Variants in ELF2 observed in about 807,000 individuals in gnomAD.
ELF2 encodes the protein E74 like ETS transcription factor 2, also known as ETS-related transcription factor Elf-2.
A neutral mutation model predicts 54.8 loss-of-function variants in ELF2; 11 were observed. That is an observed-to-expected ratio of 0.20 (90% CI 0.13 to 0.33). The LOEUF (loss-of-function observed/expected upper bound fraction) is 0.33, where lower values mean the gene tolerates loss of function less well. Ranked by LOEUF, ELF2 falls within the 10% of genes least tolerant of loss-of-function variation. ELF2 has a pLI of 1.00. For synonymous variants in ELF2, 203 were observed against 245.1 expected (o/e 0.83, Z 1.61); for missense variants, 513 against 703.0 (o/e 0.73, Z 3.06).
At position 139,061,243 on chromosome 4, in the gene ELF2, T is replaced by C. The variant is rs1226599193; in HGVS notation, c.807-569A>G. 6.6e-5 allele frequency among the ~76,000 whole-genome samples: 10 copies of C among 151,674 alleles called. No individual in the cohort carries two copies. The South Asian group carries it at 2.1e-3, about 32-fold the overall frequency. ...AGGCTGCAGTGCAATGGCACAATCT[T>C]GGCTCACTGCAACCTCCGCTTCCTG... On this transcript the variant is annotated intron_variant, in intron 8 of 9. Transcript: ENST00000686138.
chr4:139,084,249 C>T, intron 4 of ELF2: 6 of 1,609,026 alleles, frequency 3.7e-6, no homozygotes, highest in Non-Finnish European at 2.5e-6. Flanking sequence ...GCAGCGGCGG[C>T]AGGGGAGGAG....
At chr4:139,084,442 G>GGCGGCAGGGGCAGGGGCA (rs1731712331) in intron 4 of ELF2, 1 of 1,145,856 alleles carries the variant, frequency 8.7e-7, no homozygotes, top group Non-Finnish European at 1.1e-6. Context: ...GGGCAGGGGC[G>GGCGGCAGGGGCAGGGGCA]GCGGCGGCGG....
chr4:139,110,856 T>G (rs919075018), intron 4 of ELF2, among the ~76,000 whole-genome samples: 3 of 152,194 alleles, frequency 2.0e-5, no homozygotes, highest in Non-Finnish European at 4.4e-5. Context: ...TCTTCCATAC[T>G]TCTATTGTAA....
At chr4:139,116,653 A>G in intron 4 of ELF2, 1 of 985,164 alleles carries the variant, frequency 1.0e-6, no homozygotes, top group Non-Finnish European at 1.2e-6. Flanking sequence ...ACCTACCAGC[A>G]TTGTCTTCCT....
At chr4:139,151,041 A>AAAGAAAGAAAGAAAGG in intron 1 of ELF2, among the ~76,000 whole-genome samples, 4 of 66,472 alleles carry the variant, frequency 6.0e-5, no homozygotes, top group African/African-American at 1.6e-4. Context: ...AAAAAGAAAG[A>AAAGAAAGAAAGAAAGG]AAGAAAGAAA....
intron 4 of ELF2, among the ~76,000 whole-genome samples, chr4:139,107,780 C>A (rs1734562853): frequency 6.6e-6 from 1 of 152,052 alleles, no homozygotes; most frequent in Non-Finnish European, 1.5e-5. Context: ...GATACACATA[C>A]CAAATATAAC....
chr4:139,158,598 T>G (rs1326830975), intron 1 of ELF2, among the ~76,000 whole-genome samples: 1 of 152,078 alleles, frequency 6.6e-6, no homozygotes, highest in Non-Finnish European at 1.5e-5. Context: ...AAAGGGAACA[T>G]TTGTCATATA....
In ELF2 at chr4:139,059,238, T is replaced by G. The variant is rs766820149; in HGVS notation, c.1527A>C (p.Arg509Ser). Residue 509 changes from arginine to serine, a missense_variant, in exon 10 of 10, where the codon AGA (arginine) becomes AGC (serine). Physicochemically the swap from Arg to Ser is moderately radical, Grantham distance 110. This residue lies in a region of ELF2 where 291 missense variants were observed against 366.1 expected (regional missense o/e 0.79). Coordinates refer to ENST00000686138, the MANE Select transcript of ELF2 (RefSeq NM_001331036.3). Reference sequence around the variant, plus strand: ...ATGCCTGCTGAGTAGGCATTGATAGTCTCATTACAGGTGTACCATGGGCTA... The same window carrying G: ...ATGCCTGCTGAGTAGGCATTGATAGGCTCATTACAGGTGTACCATGGGCTA... ...VSIAHGTPVM[R>S]LSMPTQQASG... is the part of the protein sequence containing the mutation. 3 of 1,613,920 alleles carry G rather than the reference T, an allele frequency of 1.9e-6. No individual in the cohort carries two copies. Among genetic ancestry groups the G allele is most frequent in the Non-Finnish European group, 2.5e-6 (3 of 1,179,870 alleles).
intron 1 of ELF2, among the ~76,000 whole-genome samples, chr4:139,149,758 T>G (rs1408320597): frequency 1.3e-5 from 2 of 152,212 alleles, no homozygotes; most frequent in Non-Finnish European, 2.9e-5. Context: ...AAATTCTACA[T>G]GGGCAAATAC....
intron 4 of ELF2, among the ~76,000 whole-genome samples, chr4:139,104,973 C>G (rs1734272996): frequency 6.6e-6 from 1 of 152,150 alleles, no homozygotes; most frequent in African/African-American, 2.4e-5. Context: ...ACTTAGTAAG[C>G]TTCTTTGAGG....
At chr4:139,169,235 G>C (rs111286213) in intron 1 of ELF2, among the ~76,000 whole-genome samples, 5,347 of 151,438 alleles carry the variant, frequency 0.035, 216 homozygotes, top group African/African-American at 0.094. Context: ...GTAGTCCCAG[G>C]TACGTGGAAA....
At chr4:139,065,910 T>C (rs1036747317) in intron 7 of ELF2, 13 of 151,812 alleles carry the variant, frequency 8.6e-5, no homozygotes, top group African/African-American at 1.7e-4. Context: ...CCTAAGATGT[T>C]AGAAGTGTAC....
At chr4:139,143,420 C>A (rs1268870130) in intron 1 of ELF2, among the ~76,000 whole-genome samples, 1 of 152,154 alleles carries the variant, frequency 6.6e-6, no homozygotes, top group Non-Finnish European at 1.5e-5. Flanking sequence ...GAAGTCACTT[C>A]TAGGGGACTT....
chr4:139,121,266 G>A (rs796110339), intron 4 of ELF2, among the ~76,000 whole-genome samples: 40 of 150,698 alleles, frequency 2.7e-4, no homozygotes, highest in African/African-American at 9.0e-4. Context: ...CCGCTACCAC[G>A]CCCGGCTAAT....
chr4:139,176,674 C>G (rs959571739), intron 1 of ELF2, among the ~76,000 whole-genome samples: 3 of 152,158 alleles, frequency 2.0e-5, no homozygotes, highest in Admixed American at 6.5e-5. Flanking sequence ...GTAACCTCTT[C>G]CCTCAGCCCT....
chr4:139,123,177 T>G (rs1342304826), intron 4 of ELF2, among the ~76,000 whole-genome samples: 3 of 148,728 alleles, frequency 2.0e-5, no homozygotes, highest in Non-Finnish European at 4.5e-5. Context: ...AGCGAGACTC[T>G]GTCTCAAAAA....
intron 4 of ELF2, among the ~76,000 whole-genome samples, chr4:139,074,816 A>G (rs1457161137): frequency 6.6e-6 from 1 of 152,032 alleles, no homozygotes; most frequent in African/African-American, 2.4e-5. Flanking sequence ...TAAAAAAAAT[A>G]CAACAATTAA....
Position 139,125,353 on chromosome 4 carries a change from A to G in ELF2, c.73-24T>C, listed in dbSNP as rs750672363. ...TCCTATAAGAGCAAATTTAAAGAAC[A>G]ATCAACCTTTGTATTTACAAATTCT... On this transcript the variant is annotated intron_variant, in intron 3 of 9. Coordinates refer to ENST00000686138, the MANE Select transcript of ELF2 (RefSeq NM_001331036.3). 7.5e-6 allele frequency: 12 copies of G among 1,601,122 alleles called. No homozygotes were observed. The Admixed American group carries it at 2.2e-4, about 29-fold the overall frequency.
chr4:139,132,433 CCCA>C (rs1181579622), intron 3 of ELF2, among the ~76,000 whole-genome samples: 11 of 152,192 alleles, frequency 7.2e-5, no homozygotes, highest in African/African-American at 2.2e-4. Flanking sequence ...CCCGTCAATC[CCCA>C]CCACATGTGC....
Sources: gnomAD v4.1 joint callset for allele counts (sites outside exome capture counted in the v4.1 genomes callset) on GRCh38, gnomAD v4.1.1 for gene constraint, gnomAD v4.1.1 regional missense constraint, MANE v1.5 for transcripts, NCBI Gene and HGNC (gene_info 2026-07-23, HGNC 2026-07-21) for gene names.